RAB22A: variants seen among roughly 807,000 people sequenced by gnomAD.
RAB22A encodes the protein ras-related protein Rab-22A.
In RAB22A, 13 loss-of-function variants were observed where a neutral mutation model predicts 30.2. That is an observed-to-expected ratio of 0.43 (90% CI 0.28 to 0.68). RAB22A has a LOEUF of 0.68. Among genes scored for constraint, RAB22A ranks in the 30% least tolerant of loss-of-function variants. The probability of loss-of-function intolerance (pLI) is 0.18; values close to 1 mark genes in which losing one functional copy is unlikely to be tolerated. For missense variants in RAB22A, 177 were observed against 246.8 expected, an observed-to-expected ratio of 0.72 and a Z score of 1.89; for synonymous variants, 89 against 87.2, an observed-to-expected ratio of 1.02 and a Z score of -0.11.
In RAB22A at chr20:58,353,509, A is replaced by G. The variant is rs1436140926; in HGVS notation, c.348A>G (p.Ala116=). 1.2e-6 allele frequency: 2 copies of G among 1,609,374 alleles called. No individual in the cohort carries two copies. The highest frequency in any genetic ancestry group is 2.2e-5 in the East Asian group (1 of 44,856). Residue 116 remains alanine, a synonymous_variant, in exon 5 of 7, where the codon GCA becomes GCG. Transcript: ENST00000244040. Reference sequence around the variant, plus strand: ...CACCTAATATTGTAGTTGCCATTGCAGGAAATAAATGTGATCTTATCGATG... The same window carrying G: ...CACCTAATATTGTAGTTGCCATTGCGGGAAATAAATGTGATCTTATCGATG... ...HGPPNIVVAI[A]GNKCDLIDVR...
At chr20:58,324,825 C>A (rs181984978) in intron 2 of RAB22A, among the ~76,000 whole-genome samples, 7 of 142,874 alleles carry the variant, frequency 4.9e-5, no homozygotes, top group Admixed American at 7.1e-5. Flanking sequence ...CGAGATCGCA[C>A]CACTGCTCTC....
intron 2 of RAB22A, among the ~76,000 whole-genome samples, chr20:58,343,515 C>T (rs1986892959): frequency 6.6e-6 from 1 of 152,024 alleles, no homozygotes; most frequent in African/African-American, 2.4e-5. Flanking sequence ...TGGTGTCGGG[C>T]AGATGTGCCT....
intron 2 of RAB22A, among the ~76,000 whole-genome samples, chr20:58,321,312 C>T (rs1043194765): frequency 6.6e-6 from 1 of 151,802 alleles, no homozygotes; most frequent in East Asian, 1.9e-4. Flanking sequence ...TGTAGTGAGC[C>T]GAGATGGCAC....
At position 58,309,810 on chromosome 20, in the gene RAB22A, C is replaced by T. The variant is rs916728872; in HGVS notation, c.-167C>T. ...GCTAAGGCGGGCCCCACGCGGCTGG[C>T]AGCGGACAGGCCGGACCTACGGCCG... On this transcript the variant is annotated 5_prime_UTR_variant, in exon 1 of 7. Transcript: ENST00000244040. 5.4e-6 allele frequency: 3 copies of T among 552,040 alleles called. No individual in the cohort carries two copies. The highest frequency in any genetic ancestry group is 9.1e-5 in the South Asian group (1 of 11,022). The allele number at this position is 552,040 out of a possible 1,614,324, so 34.2% of individuals were successfully genotyped here.
intron 2 of RAB22A, among the ~76,000 whole-genome samples, chr20:58,335,743 T>TA (rs1408630653): frequency 6.6e-6 from 1 of 152,222 alleles, no homozygotes; most frequent in African/African-American, 2.4e-5. Context: ...CTGTATTACC[T>TA]ATTTTAAAAA....
chr20:58,321,143 A>G (rs568529851), intron 2 of RAB22A, among the ~76,000 whole-genome samples: 5 of 151,324 alleles, frequency 3.3e-5, no homozygotes, highest in Non-Finnish European at 7.4e-5. Flanking sequence ...TGAGCCCGAG[A>G]CTGCGCCACT....
intron 2 of RAB22A, among the ~76,000 whole-genome samples, chr20:58,327,038 C>T (rs897487445): frequency 5.3e-5 from 8 of 152,166 alleles, no homozygotes; most frequent in Non-Finnish European, 8.8e-5. Flanking sequence ...CGGGCACAGT[C>T]GCTTATACCT....
At chr20:58,327,362 G>A (rs1352244052) in intron 2 of RAB22A, among the ~76,000 whole-genome samples, 1 of 152,188 alleles carries the variant, frequency 6.6e-6, no homozygotes, top group Admixed American at 6.5e-5. Flanking sequence ...CCACTCTGAT[G>A]GTGTTGCAAT....
In RAB22A at chr20:58,361,477, T is replaced by G. The variant is rs1245041752; in HGVS notation, c.*1774T>G. 1 of 152,220 alleles carries G rather than the reference T, an allele frequency of 6.6e-6. No individual in the cohort carries two copies. The highest frequency in any genetic ancestry group is 1.5e-5 in the Non-Finnish European group (1 of 68,036). The allele number at this position is 152,220 out of a possible 1,614,324, so 9.4% of individuals were successfully genotyped here. On this transcript the variant is annotated 3_prime_UTR_variant, in exon 7 of 7. Transcript: ENST00000244040. ...GTAAAAATTCTAACTTCGTTTTGTTTAAAAGACATGTGGATGCTCCATGCC... is the reference window on the plus strand; with the variant it reads ...GTAAAAATTCTAACTTCGTTTTGTTGAAAAGACATGTGGATGCTCCATGCC...
intron 6 of RAB22A, among the ~76,000 whole-genome samples, chr20:58,355,109 G>A (rs1987110557): frequency 6.6e-6 from 1 of 152,194 alleles, no homozygotes; most frequent in Non-Finnish European, 1.5e-5. Context: ...GTGGAGAAAA[G>A]CAGAAAGCCG....
intron 3 of RAB22A, among the ~76,000 whole-genome samples, chr20:58,352,601 A>C (rs1206064747): frequency 6.6e-6 from 1 of 152,170 alleles, no homozygotes; most frequent in Non-Finnish European, 1.5e-5. Flanking sequence ...TTGCTGTTCA[A>C]ATGGTTATTC....
chr20:58,359,386 G>GTAA (rs1293601853), intron 6 of RAB22A, among the ~76,000 whole-genome samples: 1 of 152,054 alleles, frequency 6.6e-6, no homozygotes, highest in African/African-American at 2.4e-5. Flanking sequence ...ATGTCCCATG[G>GTAA]TAATATGTCA....
At chr20:58,311,906 C>T (rs1386845896) in intron 2 of RAB22A, among the ~76,000 whole-genome samples, 1 of 152,166 alleles carries the variant, frequency 6.6e-6, no homozygotes, top group East Asian at 1.9e-4. Context: ...AGGAGAGAAA[C>T]TGCCATAAGA....
intron 3 of RAB22A, among the ~76,000 whole-genome samples, chr20:58,349,871 G>A (rs1283481687): frequency 1.3e-5 from 2 of 152,188 alleles, no homozygotes; most frequent in Non-Finnish European, 2.9e-5. Flanking sequence ...ACAGGAAGGT[G>A]TGACCCAGTG....
chr20:58,348,250 G>A (rs1986985421), intron 3 of RAB22A, among the ~76,000 whole-genome samples: 1 of 151,958 alleles, frequency 6.6e-6, no homozygotes, highest in African/African-American at 2.4e-5. Context: ...TTCCTAACCA[G>A]AGTCTAATAG....
chr20:58,351,319 G>C (rs1211087202), intron 3 of RAB22A, among the ~76,000 whole-genome samples: 1 of 150,524 alleles, frequency 6.6e-6, no homozygotes, highest in East Asian at 2.0e-4. Context: ...CTGGGTGACA[G>C]AGCGAGACTC....
At chr20:58,320,900 T>C (rs1986443009) in intron 2 of RAB22A, among the ~76,000 whole-genome samples, 1 of 151,880 alleles carries the variant, frequency 6.6e-6, no homozygotes, top group Non-Finnish European at 1.5e-5. Flanking sequence ...TGCTAAAAAA[T>C]ACAAAAATTG....
rs1414757993 is a variant in RAB22A, at chr20:58,354,153, C to T, written c.378-3C>T. On this transcript the variant is annotated splice_region_variant and splice_polypyrimidine_tract_variant and intron_variant, in intron 5 of 6. Transcript: ENST00000244040. ...TTTCTGATATGTAGTTGTTGCCTTCCAGAGAAGTCATGGAGAGAGATGCAA... is the reference window on the plus strand; with the variant it reads ...TTTCTGATATGTAGTTGTTGCCTTCTAGAGAAGTCATGGAGAGAGATGCAA... 5 of 1,607,836 alleles carry T rather than the reference C, an allele frequency of 3.1e-6. No homozygotes were observed. The highest frequency in any genetic ancestry group is 4.3e-6 in the Non-Finnish European group (5 of 1,175,374).
At chr20:58,340,504 C>T (rs1986836716) in intron 2 of RAB22A, among the ~76,000 whole-genome samples, 1 of 152,174 alleles carries the variant, frequency 6.6e-6, no homozygotes, top group Non-Finnish European at 1.5e-5. Flanking sequence ...TTGGCCAAGA[C>T]ACCCTAGATC....
Sources: allele counts gnomAD v4.1 joint callset (sites outside exome capture counted in the v4.1 genomes callset), GRCh38; gene constraint gnomAD v4.1.1; transcripts MANE v1.5; gene names NCBI Gene and HGNC (gene_info 2026-07-23, HGNC 2026-07-21).